The following TANGO6 variants were observed in gnomAD, a reference collection of about 807,000 sequenced individuals.
TANGO6 encodes transport and Golgi organization protein 6 homolog.
Under a neutral mutation model 114.2 loss-of-function variants are expected in TANGO6, and 90 were observed. The ratio of observed to expected loss-of-function variants is 0.79; its 90% CI spans 0.66 to 0.94. TANGO6 has a LOEUF of 0.94. Among genes scored for constraint, TANGO6 ranks in the 40% least tolerant of loss-of-function variants. The pLI is 0.00. For missense variants in TANGO6, 1,274 were observed against 1,315.3 expected, an observed-to-expected ratio of 0.97 and a Z score of 0.49; for synonymous variants, 477 against 509.8, an observed-to-expected ratio of 0.94 and a Z score of 0.87.
intron 9 of TANGO6, 72 bp downstream of exon 9, chr16:68,902,576 A>G (rs1293240969): frequency 7.4e-7 from 1 of 1,350,432 alleles, no homozygotes; most frequent in South Asian, 1.8e-5. Flanking sequence ...TGATTCAACC[A>G]CTAAGGGGCG....
intron 4 of TANGO6, among the ~76,000 whole-genome samples, chr16:68,868,931 A>G (rs1451772344): frequency 6.6e-6 from 1 of 151,916 alleles, no homozygotes; most frequent in Non-Finnish European, 1.5e-5. Flanking sequence ...GTACATTTTT[A>G]TTTTCACATC....
intron 7 of TANGO6, among the ~76,000 whole-genome samples, chr16:68,890,301 A>G (rs1294360808): frequency 2.0e-5 from 3 of 152,238 alleles, no homozygotes; most frequent in African/African-American, 4.8e-5. Flanking sequence ...TAACATTTGT[A>G]TGGGGTATAT....
chr16:68,897,248 TC>T (rs1310682316), intron 7 of TANGO6, among the ~76,000 whole-genome samples: 1 of 152,134 alleles, frequency 6.6e-6, no homozygotes, highest in Non-Finnish European at 1.5e-5. Flanking sequence ...TGCATGCTCT[TC>T]CCCTCATCAC....
chr16:68,932,413 G>C (rs980926470), intron 14 of TANGO6, among the ~76,000 whole-genome samples: 4 of 152,168 alleles, frequency 2.6e-5, no homozygotes, highest in African/African-American at 9.6e-5. Flanking sequence ...AATTAAAGGG[G>C]AGAGGGCTAA....
intron 17 of TANGO6, among the ~76,000 whole-genome samples, chr16:69,063,781 T>TCTTC (rs1960167954): frequency 8.7e-6 from 1 of 115,466 alleles, no homozygotes; most frequent in Non-Finnish European, 1.7e-5. Context: ...TAGCCATACT[T>TCTTC]TTCTTCTTCT....
chr16:68,877,182 A>T (rs1312855720), intron 5 of TANGO6, among the ~76,000 whole-genome samples: 4 of 152,134 alleles, frequency 2.6e-5, no homozygotes, highest in African/African-American at 9.7e-5. Flanking sequence ...TACATGAAAA[A>T]TGTGGGGCTG....
At chr16:69,020,385 T>C (rs1427996276) in intron 15 of TANGO6, among the ~76,000 whole-genome samples, 1 of 152,122 alleles carries the variant, frequency 6.6e-6, no homozygotes, top group Non-Finnish European at 1.5e-5. Flanking sequence ...CTCAAGGAAT[T>C]TATAGTCTTA....
chr16:69,047,685 G>A (rs1027794785), intron 17 of TANGO6, among the ~76,000 whole-genome samples: 1 of 152,036 alleles, frequency 6.6e-6, no homozygotes, highest in African/African-American at 2.4e-5. Flanking sequence ...GAGTGATTGG[G>A]GGTTGATTTA....
At chr16:69,057,285 C>T (rs1411358112) in intron 17 of TANGO6, among the ~76,000 whole-genome samples, 2 of 152,082 alleles carry the variant, frequency 1.3e-5, no homozygotes, top group South Asian at 2.1e-4. Context: ...ATTAAAACTA[C>T]ACAAAACACT....
chr16:69,079,630 A>C (rs1960437637), intron 17 of TANGO6, among the ~76,000 whole-genome samples: 1 of 152,198 alleles, frequency 6.6e-6, no homozygotes, highest in Non-Finnish European at 1.5e-5. Context: ...TATACATACC[A>C]GAAAAAAATA....
rs1962189784 is a variant in TANGO6, at chr16:68,867,082, T to A, written c.856T>A (p.Cys286Ser). 1.2e-6 allele frequency: 2 copies of A among 1,605,946 alleles called. No individual in the cohort carries two copies. The highest frequency in any genetic ancestry group is 2.3e-5 in the East Asian group (1 of 44,376). ...CACACCTTCTTCTTTTTCTCAGTCCTGCACAGATGTGAAGACACAGATGAG... is the reference window on the plus strand; with the variant it reads ...CACACCTTCTTCTTTTTCTCAGTCCAGCACAGATGTGAAGACACAGATGAG... ...LILQGGPPQS[C>S]TDVKTQMRCR... Residue 286 changes from cysteine (C) to serine (S), a missense_variant, in exon 4 of 18, where the codon TGC (cysteine) becomes AGC (serine). By Grantham distance (112) the Cys-to-Ser change is moderately radical. Transcript: ENST00000261778.
intron 12 of TANGO6, among the ~76,000 whole-genome samples, chr16:68,925,903 A>G (rs1346583365): frequency 2.0e-5 from 3 of 151,180 alleles, no homozygotes; most frequent in Admixed American, 6.6e-5. Flanking sequence ...TTAAAAAAAA[A>G]AAAAAGAAAA....
At chr16:68,965,523 C>T (rs1275493462) in intron 14 of TANGO6, among the ~76,000 whole-genome samples, 28 of 152,130 alleles carry the variant, frequency 1.8e-4, no homozygotes, top group Non-Finnish European at 2.9e-5. Flanking sequence ...AAAAACCTGC[C>T]AGGCGTGGTA....
chr16:68,938,942 C>A (rs1028650603), intron 14 of TANGO6, among the ~76,000 whole-genome samples: 1 of 151,594 alleles, frequency 6.6e-6, no homozygotes, highest in South Asian at 2.1e-4. Flanking sequence ...CATGGTGGCT[C>A]ACACCTGTAA....
intron 11 of TANGO6, among the ~76,000 whole-genome samples, chr16:68,914,218 A>G (rs1001300956): frequency 1.3e-5 from 2 of 152,168 alleles, no homozygotes; most frequent in Non-Finnish European, 2.9e-5. Flanking sequence ...CTGCAGTGCA[A>G]TGGCGTGATC....
chr16:68,902,577 C>A, intron 9 of TANGO6, 73 bp downstream of exon 9: 1 of 1,334,402 alleles, frequency 7.5e-7, no homozygotes, highest in Non-Finnish European at 9.9e-7. Flanking sequence ...GATTCAACCA[C>A]TAAGGGGCGC....
intron 14 of TANGO6, among the ~76,000 whole-genome samples, chr16:68,970,135 G>C (rs572426786): frequency 1.6e-4 from 25 of 152,264 alleles, no homozygotes; most frequent in Admixed American, 1.5e-3. Context: ...CACACCTGGA[G>C]GGGGAGAAAG....
At chr16:68,949,954 T>G (rs557077186) in intron 14 of TANGO6, among the ~76,000 whole-genome samples, 1 of 152,192 alleles carries the variant, frequency 6.6e-6, no homozygotes, top group Admixed American at 6.5e-5. Context: ...GGAATATTAT[T>G]TGGCAGTAAA....
chr16:68,890,424 C>T (rs111293208), intron 7 of TANGO6, among the ~76,000 whole-genome samples: 380 of 152,292 alleles, frequency 2.5e-3, no homozygotes, highest in Non-Finnish European at 4.1e-3. Context: ...ATGTCTTATC[C>T]ATGTTCACTC....
Sources: gnomAD v4.1 joint callset for allele counts (sites outside exome capture counted in the v4.1 genomes callset) on GRCh38, gnomAD v4.1.1 for gene constraint, MANE v1.5 for transcripts, NCBI Gene and HGNC (gene_info 2026-07-23, HGNC 2026-07-21) for gene names.